TBXT: variants seen among roughly 807,000 people sequenced by gnomAD.
TBXT encodes the protein T brachyury transcription factor.
Under a neutral mutation model 41.1 loss-of-function variants are expected in TBXT, and 19 were observed. The observed-to-expected ratio is 0.46, with a 90% CI of 0.32 to 0.68. The LOEUF is 0.68. Among genes scored for constraint, TBXT ranks in the 30% least tolerant of loss-of-function variants. The probability of loss-of-function intolerance (pLI) is 0.03; values close to 1 mark genes in which losing one functional copy is unlikely to be tolerated. For synonymous variants in TBXT, 213 were observed against 238.9 expected, an observed-to-expected ratio of 0.89 and a Z score of 1.00; for missense variants, 536 against 582.0, an observed-to-expected ratio of 0.92 and a Z score of 0.81.
At chr6:166,162,084 C>T (rs1044190121) in intron 6 of TBXT, among the ~76,000 whole-genome samples, 4 of 152,216 alleles carry the variant, frequency 2.6e-5, no homozygotes, top group African/African-American at 9.6e-5. Context: ...CCTGGCTGCC[C>T]ATCATTGTCA....
Position 166,157,963 on chromosome 6 carries a change from G to A in TBXT, c.*352C>T. 1 of 383,798 alleles carries A rather than the reference G, an allele frequency of 2.6e-6. No individual in the cohort carries two copies. The highest frequency in any genetic ancestry group is 4.9e-6 in the Non-Finnish European group (1 of 204,166). 23.8% of individuals were successfully genotyped at this position (383,798 alleles called of 1,614,324 possible). ...AGGACTGGTGGAGTTTACAAATTCT[G>A]GTGTGCCAAAGTTGCCAATACACTG... On this transcript the variant is annotated 3_prime_UTR_variant, in exon 8 of 8. Coordinates refer to ENST00000366876, the MANE Select transcript of TBXT (RefSeq NM_001366285.2).
chr6:166,161,908 G>C (rs1031918154), intron 6 of TBXT, among the ~76,000 whole-genome samples: 1 of 149,552 alleles, frequency 6.7e-6, no homozygotes, highest in Non-Finnish European at 1.5e-5. Flanking sequence ...GGGCGACAGA[G>C]CGAGACTCCG....
chr6:166,158,312 G>A lies in TBXT; in HGVS notation c.*3C>T, dbSNP rs956509192. 1 of 1,614,264 alleles carries A rather than the reference G, an allele frequency of 6.2e-7. No individual in the cohort carries two copies. On this transcript the variant is annotated 3_prime_UTR_variant, in exon 8 of 8. Coordinates refer to ENST00000366876, the MANE Select transcript of TBXT (RefSeq NM_001366285.2). ...CATCTTTCGGGACCTGGGCCTTGCT[G>A]CTTCACATGGAAGGTGGCGACACAG...
At chr6:166,167,342 G>A (rs200772486) in intron 1 of TBXT, 44 bp downstream of exon 1, 11 of 1,608,630 alleles carry the variant, frequency 6.8e-6, no homozygotes, top group African/African-American at 1.3e-5. Context: ...GGCTGCCCAG[G>A]CGCTGGAGAG....
upstream of TBXT, chr6:166,167,898 A>T: frequency 2.1e-6 from 1 of 474,908 alleles, no homozygotes; most frequent in Non-Finnish European, 3.9e-6. Context: ...CCGCGGCGGC[A>T]GCGCTGGGGT....
At chr6:166,168,118 C>T (rs374001754), upstream of TBXT, among the ~76,000 whole-genome samples, 4 of 151,998 alleles carry the variant, frequency 2.6e-5, no homozygotes, top group Non-Finnish European at 5.9e-5. Context: ...GTTTGCACCT[C>T]CATCAAAGCG....
At position 166,158,262 on chromosome 6, in the gene TBXT, T is replaced by A; in HGVS notation, c.*53A>T. 20 of 1,614,122 alleles carry A rather than the reference T, an allele frequency of 1.2e-5. No homozygotes were observed. The South Asian group carries it at 2.0e-4, about 16-fold the overall frequency. ...CCTAGTAGGTCAATCCAGTCACCAC[T>A]GGCTGCCACGACAAAAAGTCACTGC... On this transcript the variant is annotated 3_prime_UTR_variant, in exon 8 of 8. Coordinates refer to ENST00000366876, the MANE Select transcript of TBXT (RefSeq NM_001366285.2).
chr6:166,164,946 G>C, intron 3 of TBXT, 85 bp from the exon 4 acceptor site: 1 of 1,084,438 alleles, frequency 9.2e-7, no homozygotes, highest in East Asian at 2.4e-5. Context: ...AGAAATGCCA[G>C]TACCACTTTT....
chr6:166,160,295 G>A (rs1778913986), intron 7 of TBXT, among the ~76,000 whole-genome samples: 1 of 152,038 alleles, frequency 6.6e-6, no homozygotes, highest in Non-Finnish European at 1.5e-5. Flanking sequence ...CAGTTACCTA[G>A]CACATATATT....
intron 6 of TBXT, among the ~76,000 whole-genome samples, 179 bp downstream of exon 6, chr6:166,162,268 G>A (rs185464325): frequency 3.9e-5 from 6 of 152,350 alleles, no homozygotes; most frequent in Non-Finnish European, 8.8e-5. Flanking sequence ...CGCCAGCAGC[G>A]GCAGTGGCGG....
Position 166,166,698 on chromosome 6 carries a change from C to T in TBXT, c.365G>A (p.Cys122Tyr), listed in dbSNP as rs1482887246. The change falls in exon 2 of 8, where the codon TGC becomes TAC. Residue 122 changes from cysteine to tyrosine, a missense_variant. Coordinates refer to ENST00000366876, the MANE Select transcript of TBXT (RefSeq NM_001366285.2). ...GGKPEPQAPS[C>Y]VYIHPDSPNF... ...GGGCGAGTCGGGGTGGATGTAGACGCAGCTGGGCGCCTGCGGCTCCGGCTT... is the reference window on the plus strand; with the variant it reads ...GGGCGAGTCGGGGTGGATGTAGACGTAGCTGGGCGCCTGCGGCTCCGGCTT... The T allele has an allele frequency of 3.1e-6, 5 of 1,613,838 alleles. No individual in the cohort carries two copies. Among genetic ancestry groups the T allele is most frequent in the Middle Eastern group, 3.3e-4 (2 of 6,084 alleles).
Position 166,166,724 on chromosome 6 carries a change from GC to G in TBXT, c.338del (p.Gly113AlafsTer25). The G allele has an allele frequency of 6.2e-7, 1 of 1,613,664 alleles. No homozygotes were observed. The highest frequency in any genetic ancestry group is 8.5e-7 in the Non-Finnish European group (1 of 1,180,034). On this transcript the variant is annotated frameshift_variant, in exon 2 of 8. Coordinates refer to ENST00000366876, the MANE Select transcript of TBXT (RefSeq NM_001366285.2). LOFTEE classifies it high-confidence loss of function. The stretch of plus-strand genomic sequence containing the variant: ...AGCTGGGCGCCTGCGGCTCCGGCTT[GC>G]CCCCCGGCACCCATTCCCCGTTCAC... Reference protein sequence around the residue: ...KYVNGEWVPGGKPEPQAPSCV... With the variant: ...KYVNGEWVPGXKPEPQAPSCV...
chr6:166,166,645 G>A lies in TBXT; in HGVS notation c.418C>T (p.Pro140Ser). ...AGCTTGACTTTGCTGAAGGAGACGG[G>A]AGCCTTCATCCAGTGGGCCCCGAAG... ...PNFGAHWMKA[P>S]VSFSKVKLTN... Residue 140 changes from proline to serine, a missense_variant, in exon 2 of 8, where the codon CCC (proline) becomes TCC (serine). By Grantham distance (74) the Pro-to-Ser change is moderately conservative. Transcript: ENST00000366876. 6.2e-7 allele frequency: 1 copy of A among 1,614,106 alleles called. No homozygotes were observed. Among genetic ancestry groups the A allele is most frequent in the Non-Finnish European group, 8.5e-7 (1 of 1,180,040 alleles).
chr6:166,160,970 A>AG lies in TBXT; in HGVS notation c.908-5dup. 1 of 1,613,804 alleles carries AG rather than the reference A, an allele frequency of 6.2e-7. No individual in the cohort carries two copies. The highest frequency in any genetic ancestry group is 8.5e-7 in the Non-Finnish European group (1 of 1,179,918). Reference sequence around the variant, plus strand: ...GCAGGTGAGTTGTCAGAATAGGCTAAGGGGGGAAGGTAACAAAGTGCAATT... The same window carrying AG: ...GCAGGTGAGTTGTCAGAATAGGCTAAGGGGGGGAAGGTAACAAAGTGCAATT... On this transcript the variant is annotated splice_polypyrimidine_tract_variant and splice_region_variant and intron_variant, in intron 6 of 7. Coordinates refer to ENST00000366876, the MANE Select transcript of TBXT (RefSeq NM_001366285.2).
rs1351721295 is a variant in TBXT at position 166,158,308 on chromosome 6, T to C, written c.*7A>G. 11 of 1,614,114 alleles carry C rather than the reference T, an allele frequency of 6.8e-6. No homozygotes were observed. The African/African-American group carries it at 1.5e-4, about 22-fold the overall frequency. ...ACTGCATCTTTCGGGACCTGGGCCT[T>C]GCTGCTTCACATGGAAGGTGGCGAC... On this transcript the variant is annotated 3_prime_UTR_variant, in exon 8 of 8. Coordinates refer to ENST00000366876, the MANE Select transcript of TBXT (RefSeq NM_001366285.2).
intron 5 of TBXT, among the ~76,000 whole-genome samples, chr6:166,164,242 C>G (rs1007787980): frequency 2.0e-5 from 3 of 152,182 alleles, no homozygotes; most frequent in Admixed American, 6.5e-5. Flanking sequence ...AAAGATGGCT[C>G]TTCAACCATT....
At chr6:166,165,645 C>T in intron 3 of TBXT, 61 bp downstream of exon 3, 1 of 1,611,968 alleles carries the variant, frequency 6.2e-7, no homozygotes, top group South Asian at 1.1e-5. Flanking sequence ...CCAGAATCTC[C>T]ACGGAGCAGC....
In TBXT at chr6:166,158,093, A is replaced by C; in HGVS notation, c.*222T>G. ...ATCTCCACAGTTGGGTTCATCTGTAAGCCACCTGGGACAGCACCGCTACTG... is the reference window on the plus strand; with the variant it reads ...ATCTCCACAGTTGGGTTCATCTGTACGCCACCTGGGACAGCACCGCTACTG... On this transcript the variant is annotated 3_prime_UTR_variant, in exon 8 of 8. Coordinates refer to ENST00000366876, the MANE Select transcript of TBXT (RefSeq NM_001366285.2). 1 of 678,952 alleles carries C rather than the reference A, an allele frequency of 1.5e-6. No homozygotes were observed. The highest frequency in any genetic ancestry group is 2.5e-6 in the Non-Finnish European group (1 of 400,564). The allele number at this position is 678,952 out of a possible 1,614,324, so 42.1% of individuals were successfully genotyped here. A position where few individuals can be genotyped will look rare whatever the true frequency, so the allele number is the denominator to read the frequency against.
In TBXT at chr6:166,167,505, C is replaced by T. The variant is rs1202298557; in HGVS notation, c.87G>A (p.Gln29=). The change falls in exon 1 of 8, where the codon CAG becomes CAA. Residue 29 remains glutamine (Q), a synonymous_variant. Transcript: ENST00000366876. Reference sequence around the variant, plus strand: ...TGGGGTCGCCCTTCTCGCTGCCCGCCTGCAGCTCATTCTCCACGGCGCTCA... The same window carrying T: ...TGGGGTCGCCCTTCTCGCTGCCCGCTTGCAGCTCATTCTCCACGGCGCTCA... ...HLLSAVENEL[Q]AGSEKGDPTE... 6.2e-7 allele frequency: 1 copy of T among 1,608,426 alleles called. No individual in the cohort carries two copies. Among genetic ancestry groups the T allele is most frequent in the South Asian group, 1.1e-5 (1 of 90,980 alleles).
Sources: gnomAD v4.1 joint callset for allele counts (sites outside exome capture counted in the v4.1 genomes callset) on GRCh38, gnomAD v4.1.1 for gene constraint, MANE v1.5 for transcripts, NCBI Gene and HGNC (gene_info 2026-07-23, HGNC 2026-07-21) for gene names.